Variants in CTNNA2 observed in about 807,000 individuals in gnomAD.
CTNNA2 encodes catenin alpha 2.
In CTNNA2, 42 loss-of-function variants were observed where a neutral mutation model predicts 101.0. The ratio of observed to expected loss-of-function variants is 0.42; its 90% CI spans 0.32 to 0.54. The LOEUF (loss-of-function observed/expected upper bound fraction) is 0.54. Among genes scored for constraint, CTNNA2 ranks in the 20% least tolerant of loss-of-function variants. The pLI is 0.14. For missense variants in CTNNA2, 871 were observed against 1,223.1 expected, an observed-to-expected ratio of 0.71 and a Z score of 4.29; for synonymous variants, 450 against 456.4, an observed-to-expected ratio of 0.99 and a Z score of 0.18.
chr2:79,797,918 A>G (rs2105283420), intron 3 of CTNNA2, among the ~76,000 whole-genome samples: 1 of 151,972 alleles, frequency 6.6e-6, no homozygotes, highest in South Asian at 2.1e-4. Context: ...TTTTTTTTAT[A>G]TTTATACCAG....
intron 2 of CTNNA2, among the ~76,000 whole-genome samples, chr2:79,226,826 T>C (rs916056686): frequency 8.5e-5 from 13 of 152,072 alleles, no homozygotes; most frequent in Non-Finnish European, 1.6e-4. Flanking sequence ...GTGGCAGAGC[T>C]CATGGGGATG....
intron 9 of CTNNA2, among the ~76,000 whole-genome samples, chr2:80,498,180 T>C (rs1419265657): frequency 6.6e-6 from 1 of 152,202 alleles, no homozygotes; most frequent in East Asian, 1.9e-4. Context: ...GTTGTTTTTG[T>C]TCAAGTAACT....
intron 9 of CTNNA2, among the ~76,000 whole-genome samples, chr2:80,512,086 G>T (rs759470079): frequency 4.1e-5 from 6 of 145,372 alleles, no homozygotes; most frequent in Non-Finnish European, 9.0e-5. Flanking sequence ...GGAGGTAAAG[G>T]TTGCAGTGAG....
intron 7 of CTNNA2, among the ~76,000 whole-genome samples, chr2:80,318,617 A>C (rs984867575): frequency 3.9e-5 from 6 of 152,238 alleles, no homozygotes; most frequent in African/African-American, 1.4e-4. Flanking sequence ...GGAAACATGC[A>C]ATACAAAACT....
chr2:79,831,198 A>C (rs1414693887), intron 3 of CTNNA2, among the ~76,000 whole-genome samples: 1 of 152,174 alleles, frequency 6.6e-6, no homozygotes, highest in Non-Finnish European at 1.5e-5. Context: ...CCAGTAGATT[A>C]AGATTTTTTT....
At chr2:79,313,286 A>G (rs930351748) in intron 3 of CTNNA2, among the ~76,000 whole-genome samples, 2 of 152,218 alleles carry the variant, frequency 1.3e-5, no homozygotes, top group African/African-American at 4.8e-5. Context: ...CAAACACATC[A>G]GTCTGGTCAC....
At chr2:80,209,208 T>C (rs977512988) in intron 7 of CTNNA2, among the ~76,000 whole-genome samples, 3 of 151,406 alleles carry the variant, frequency 2.0e-5, no homozygotes, top group African/African-American at 7.3e-5. Context: ...TTTAATTCTT[T>C]TTTTTTTTTC....
At chr2:79,372,731 C>T (rs1044247053) in intron 3 of CTNNA2, among the ~76,000 whole-genome samples, 3 of 152,098 alleles carry the variant, frequency 2.0e-5, no homozygotes, top group African/African-American at 7.2e-5. Flanking sequence ...AACCAGAGAT[C>T]GACAAGAACA....
chr2:79,410,641 G>A (rs542717948), intron 4 of CTNNA2, among the ~76,000 whole-genome samples: 3 of 151,774 alleles, frequency 2.0e-5, no homozygotes, highest in Admixed American at 6.6e-5. Flanking sequence ...TGCATCCCAG[G>A]GATGAAGCCC....
chr2:80,024,299 C>T (rs918540210), intron 7 of CTNNA2, among the ~76,000 whole-genome samples: 8 of 152,004 alleles, frequency 5.3e-5, no homozygotes, highest in Admixed American at 2.6e-4. Flanking sequence ...TAAAATGTGA[C>T]GAGTGCTTGG....
At chr2:79,502,557 G>T (rs551834103) in intron 4 of CTNNA2, among the ~76,000 whole-genome samples, 1 of 152,286 alleles carries the variant, frequency 6.6e-6, no homozygotes, top group Non-Finnish European at 1.5e-5. Flanking sequence ...TGGTGAATAT[G>T]AATACAGATG....
intron 7 of CTNNA2, among the ~76,000 whole-genome samples, chr2:80,338,142 C>A (rs990542113): frequency 6.6e-6 from 1 of 152,002 alleles, no homozygotes; most frequent in Non-Finnish European, 1.5e-5. Flanking sequence ...GTATGTGCCA[C>A]CACGCCCGGC....
At chr2:79,465,802 G>A (rs953157252) in intron 4 of CTNNA2, among the ~76,000 whole-genome samples, 1 of 151,906 alleles carries the variant, frequency 6.6e-6, no homozygotes, top group Non-Finnish European at 1.5e-5. Flanking sequence ...TTTGGTATAA[G>A]AATGCTTGTG....
intron 14 of CTNNA2, among the ~76,000 whole-genome samples, chr2:80,582,461 CAGAG>C (rs1228480952): frequency 6.6e-6 from 1 of 152,126 alleles, no homozygotes; most frequent in Non-Finnish European, 1.5e-5. Context: ...CAGGAAGCAA[CAGAG>C]AGAGTACCAG....
chr2:80,109,655 T>C (rs910132161), intron 7 of CTNNA2, among the ~76,000 whole-genome samples: 2 of 150,646 alleles, frequency 1.3e-5, no homozygotes, highest in Admixed American at 1.3e-4. Flanking sequence ...AAAAACCTTC[T>C]GTTTGGCGTG....
chr2:80,253,454 G>C (rs1408339506), intron 7 of CTNNA2, among the ~76,000 whole-genome samples: 1 of 152,102 alleles, frequency 6.6e-6, no homozygotes, highest in Non-Finnish European at 1.5e-5. Flanking sequence ...TTGTGGTGGA[G>C]CCTCGACTCT....
At chr2:80,246,041 G>A (rs1255706052) in intron 7 of CTNNA2, among the ~76,000 whole-genome samples, 13 of 151,900 alleles carry the variant, frequency 8.6e-5, no homozygotes, top group East Asian at 1.9e-4. Context: ...TGATCCGCCC[G>A]CCTGGGCCTC....
intron 9 of CTNNA2, among the ~76,000 whole-genome samples, chr2:80,530,467 CACAG>C (rs1430515328): frequency 2.6e-5 from 4 of 152,162 alleles, no homozygotes; most frequent in Non-Finnish European, 5.9e-5. Context: ...TTTTGCAGGA[CACAG>C]ACAGGAAGAA....
intron 1 of CTNNA2, among the ~76,000 whole-genome samples, chr2:79,591,193 T>A (rs1676822951): frequency 6.6e-6 from 1 of 152,202 alleles, no homozygotes; most frequent in African/African-American, 2.4e-5. Context: ...ATTTTCCCTG[T>A]GAAATTTTAA....
Sources: allele counts gnomAD v4.1 joint callset (sites outside exome capture counted in the v4.1 genomes callset), GRCh38; gene constraint gnomAD v4.1.1; transcripts MANE v1.5; gene names NCBI Gene and HGNC (gene_info 2026-07-23, HGNC 2026-07-21).